The following RPL22L1 variants were observed in gnomAD, a reference collection of about 807,000 sequenced individuals.
RPL22L1 encodes ribosomal protein L22 like 1, also known as ribosomal protein eL22-like.
RPL22L1 carries 19 observed loss-of-function variants against 17.3 expected under a neutral mutation model. That is an observed-to-expected ratio of 1.10 (90% CI 0.77 to 1.61). RPL22L1 has a LOEUF of 1.61. RPL22L1 is among the 40% of genes most tolerant of loss of function. The probability of loss-of-function intolerance (pLI) is 0.00; values close to 1 mark genes in which losing one functional copy is unlikely to be tolerated. For synonymous variants in RPL22L1, 48 were observed against 48.5 expected, an observed-to-expected ratio of 0.99 and a Z score of 0.05; for missense variants, 139 against 144.4, an observed-to-expected ratio of 0.96 and a Z score of 0.19.
In RPL22L1 at chr3:170,865,638, A is replaced by T. The variant is rs921798958; in HGVS notation, c.*742T>A. 6.6e-6 allele frequency: 1 copy of T among 152,216 alleles called. No individual in the cohort carries two copies. The highest frequency in any genetic ancestry group is 1.5e-5 in the Non-Finnish European group (1 of 68,054). 9.4% of individuals were successfully genotyped at this position (152,216 alleles called of 1,614,324 possible). ...TTGGTTTTGAGTTTCTGGTGCCTAC[A>T]AAGCAGGTGGTTAGGGCTTTCTAAT... On this transcript the variant is annotated 3_prime_UTR_variant, in exon 4 of 4. Transcript: ENST00000295830.
intron 1 of RPL22L1, among the ~76,000 whole-genome samples, chr3:170,869,113 C>T (rs372540750): frequency 4.7e-4 from 62 of 130,654 alleles, no homozygotes; most frequent in African/African-American, 1.6e-3. Context: ...GACTCTGTCT[C>T]AAAAAAAAAA....
intron 1 of RPL22L1, among the ~76,000 whole-genome samples, chr3:170,868,803 T>TAA (rs550401844): frequency 1.0e-3 from 122 of 117,758 alleles, no homozygotes; most frequent in Admixed American, 1.8e-3. Context: ...GGGACTTTGG[T>TAA]AAAAAAAAAA....
rs770452881 is a variant in RPL22L1 at position 170,866,088 on chromosome 3, G to T, written c.*292C>A. On this transcript the variant is annotated 3_prime_UTR_variant, in exon 4 of 4. Transcript: ENST00000295830. ...TGCACTCCAGCCTGGGTGACAGAACGAGAGTGTCTAAAAAAAAGATTTCCT... is the reference window on the plus strand; with the variant it reads ...TGCACTCCAGCCTGGGTGACAGAACTAGAGTGTCTAAAAAAAAGATTTCCT... 11 of 184,036 alleles carry T rather than the reference G, an allele frequency of 6.0e-5. No individual in the cohort carries two copies. The East Asian group carries it at 1.5e-3, about 25-fold the overall frequency. The allele number at this position is 184,036 out of a possible 1,614,324, so 11.4% of individuals were successfully genotyped here.
At position 170,866,402 on chromosome 3, in the gene RPL22L1, T is replaced by C. The variant is rs1221773396; in HGVS notation, c.347A>G (p.Asp116Gly). The change falls in exon 4 of 4, where the codon GAT becomes GGT. Residue 116 changes from aspartate to glycine, a missense_variant. Transcript: ENST00000295830. ...TGCCTAGTCCTCCGACTCTGATTCA[T>C]CTTCATCTTGACTAATCTGGAAGTA... ...LRYFQISQDE[D>G]ESESED 4 of 1,606,750 alleles carry C rather than the reference T, an allele frequency of 2.5e-6. No individual in the cohort carries two copies. The highest frequency in any genetic ancestry group is 1.3e-5 in the African/African-American group (1 of 74,838).
In RPL22L1 at chr3:170,868,286, AATG is replaced by A. The variant is rs747235135; in HGVS notation, c.102+9_102+11del. The A allele has an allele frequency of 4.6e-4, 715 of 1,560,444 alleles. 2 individuals are homozygous for A. The highest frequency in any genetic ancestry group is 2.8e-4 in the Non-Finnish European group (321 of 1,133,334). ...CTGATTACAAAAATAAGCCGAGTAGAATGATACTTACAAAATTTCCAGAATCAA... is the reference window on the plus strand; with the variant it reads ...CTGATTACAAAAATAAGCCGAGTAGAATACTTACAAAATTTCCAGAATCAA... On this transcript the variant is annotated intron_variant, in intron 2 of 3. Transcript: ENST00000295830.
chr3:170,868,426 A>G (rs1711854684), intron 1 of RPL22L1, 36 bp from the exon 2 acceptor site: 4 of 1,262,814 alleles, frequency 3.2e-6, no homozygotes, highest in Admixed American at 1.9e-5. Context: ...AGCTATATAA[A>G]ACAACTTATT....
chr3:170,867,982 T>C lies in RPL22L1; in HGVS notation c.224+31A>G, dbSNP rs1364737424. On this transcript the variant is annotated intron_variant, in intron 3 of 3. Transcript: ENST00000295830. Reference sequence around the variant, plus strand: ...TCTATGAAATATTCCAAAACTACTATAGTTTTATTAAAATTTGCAAAAGTA... The same window carrying C: ...TCTATGAAATATTCCAAAACTACTACAGTTTTATTAAAATTTGCAAAAGTA... 8.6e-6 allele frequency: 13 copies of C among 1,504,912 alleles called. 1 individual carries two copies. The highest frequency in any genetic ancestry group is 2.3e-5 in the East Asian group (1 of 43,122). The allele number at this position is 1,504,912 out of a possible 1,614,324, so 93.2% of individuals were successfully genotyped here. A position where few individuals can be genotyped will look rare whatever the true frequency, so the allele number is the denominator to read the frequency against.
intron 1 of RPL22L1, 60 bp downstream of exon 1, chr3:170,870,099 G>C: frequency 6.2e-7 from 1 of 1,612,732 alleles, no homozygotes; most frequent in Non-Finnish European, 8.5e-7. Flanking sequence ...TGCAAAAATC[G>C]TTACAGCGGA....
At chr3:170,867,966 T>C (rs758950492) in intron 3 of RPL22L1, 47 bp downstream of exon 3, 1 of 1,421,896 alleles carries the variant, frequency 7.0e-7, no homozygotes, top group Non-Finnish European at 9.6e-7. Flanking sequence ...TTCTATGAAA[T>C]ATTCCAAAAC....
At position 170,868,290 on chromosome 3, in the gene RPL22L1, ATACT is replaced by A; in HGVS notation, c.102+4_102+7del. 1 of 1,570,772 alleles carries A rather than the reference ATACT, an allele frequency of 6.4e-7. No individual in the cohort carries two copies. Among genetic ancestry groups the A allele is most frequent in the Non-Finnish European group, 8.8e-7 (1 of 1,142,674 alleles). On this transcript the variant is annotated splice_donor_5th_base_variant and intron_variant, in intron 2 of 3. Transcript: ENST00000295830. Reference sequence around the variant, plus strand: ...TTACAAAAATAAGCCGAGTAGAATGATACTTACAAAATTTCCAGAATCAAAAATT... The same window carrying A: ...TTACAAAAATAAGCCGAGTAGAATGATACAAAATTTCCAGAATCAAAAATT...
At chr3:170,867,023 TG>T (rs1711795156) in intron 3 of RPL22L1, among the ~76,000 whole-genome samples, 1 of 152,218 alleles carries the variant, frequency 6.6e-6, no homozygotes, top group Non-Finnish European at 1.5e-5. Context: ...TCTGATTATC[TG>T]TAAGATACTT....
chr3:170,867,552 TA>T (rs1711816791), intron 3 of RPL22L1, among the ~76,000 whole-genome samples: 1 of 152,218 alleles, frequency 6.6e-6, no homozygotes, highest in South Asian at 2.1e-4. Context: ...ACTGTTGGGT[TA>T]CCCAGTCCTG....
At chr3:170,869,997 A>C in intron 1 of RPL22L1, 162 bp downstream of exon 1, 1 of 1,067,244 alleles carries the variant, frequency 9.4e-7, no homozygotes, top group Non-Finnish European at 1.4e-6. Flanking sequence ...CTCGAAAAAC[A>C]GTTCAGGATC....
chr3:170,866,332 C>T lies in RPL22L1; in HGVS notation c.*48G>A, dbSNP rs1576773923. On this transcript the variant is annotated 3_prime_UTR_variant, in exon 4 of 4. Coordinates refer to ENST00000295830, the MANE Select transcript of RPL22L1 (RefSeq NM_001099645.2). ...AATTTCTTGGTATTTCTCATGTATA[C>T]TTCATTTATTTTATTAATAAGCAAA... 6.8e-7 allele frequency: 1 copy of T among 1,479,152 alleles called. No individual in the cohort carries two copies. Among genetic ancestry groups the T allele is most frequent in the East Asian group, 2.4e-5 (1 of 40,976 alleles). The allele number at this position is 1,479,152 out of a possible 1,614,324, so 91.6% of individuals were successfully genotyped here. A position where few individuals can be genotyped will look rare whatever the true frequency, so the allele number is the denominator to read the frequency against.
Position 170,870,150 on chromosome 3 carries a change from C to T in RPL22L1, c.9+9G>A, listed in dbSNP as rs1467430021. On this transcript the variant is annotated intron_variant, in intron 1 of 3. Transcript: ENST00000295830. ...ACACAACACTCCCACCAAGACATCG[C>T]TCACTCACCGGCGCCATCTTGCGAG... The T allele has an allele frequency of 1.9e-6, 3 of 1,613,914 alleles. No homozygotes were observed. Among genetic ancestry groups the T allele is most frequent in the Non-Finnish European group, 2.5e-6 (3 of 1,179,910 alleles).
intron 3 of RPL22L1, 101 bp from the exon 4 acceptor site, chr3:170,866,625 A>C (rs1711780009): frequency 2.4e-6 from 2 of 831,876 alleles, no homozygotes; most frequent in Admixed American, 2.7e-5. Flanking sequence ...TCTTTTCTGT[A>C]CCTAGCTTCC....
rs1711689382 is a variant in RPL22L1 at position 170,865,080 on chromosome 3, T to C, written c.*1300A>G. The stretch of plus-strand genomic sequence containing the variant: ...AACTATTTGTGAAAAACATGAAAAA[T>C]GGGAACAATGGGGCAGAGCCAAGTT... On this transcript the variant is annotated 3_prime_UTR_variant, in exon 4 of 4. Coordinates refer to ENST00000295830, the MANE Select transcript of RPL22L1 (RefSeq NM_001099645.2). 1 of 152,052 alleles carries C rather than the reference T, an allele frequency of 6.6e-6. No individual in the cohort carries two copies. Among genetic ancestry groups the C allele is most frequent in the African/African-American group, 2.4e-5 (1 of 41,374 alleles). 9.4% of individuals were successfully genotyped at this position (152,052 alleles called of 1,614,324 possible). A position where few individuals can be genotyped will look rare whatever the true frequency, so the allele number is the denominator to read the frequency against.
intron 1 of RPL22L1, among the ~76,000 whole-genome samples, chr3:170,869,550 T>G (rs1346898172): frequency 6.6e-6 from 1 of 152,220 alleles, no homozygotes; most frequent in Non-Finnish European, 1.5e-5. Flanking sequence ...TTTTCAGATA[T>G]TCTTAGGAAC....
At position 170,866,069 on chromosome 3, in the gene RPL22L1, C is replaced by T. The variant is rs1711747077; in HGVS notation, c.*311G>A. The T allele has an allele frequency of 1.2e-5, 2 of 169,324 alleles. No homozygotes were observed. Among genetic ancestry groups the T allele is most frequent in the African/African-American group, 2.4e-5 (1 of 41,866 alleles). The allele number at this position is 169,324 out of a possible 1,614,324, so 10.5% of individuals were successfully genotyped here. ...ATTTAGGAAGCTGAGTCACTGCACT[C>T]CAGCCTGGGTGACAGAACGAGAGTG... On this transcript the variant is annotated 3_prime_UTR_variant, in exon 4 of 4. Coordinates refer to ENST00000295830, the MANE Select transcript of RPL22L1 (RefSeq NM_001099645.2).
Sources: gnomAD v4.1 joint callset for allele counts (sites outside exome capture counted in the v4.1 genomes callset) on GRCh38, gnomAD v4.1.1 for gene constraint, MANE v1.5 for transcripts, NCBI Gene and HGNC (gene_info 2026-07-23, HGNC 2026-07-21) for gene names.